CYP2C8: variants seen among roughly 807,000 people sequenced by gnomAD.
The protein encoded by CYP2C8 is cytochrome P450 2C8.
A neutral mutation model predicts 41.3 loss-of-function variants in CYP2C8; 51 were observed. That is an observed-to-expected ratio of 1.24 (90% CI 0.99 to 1.56). CYP2C8 has a LOEUF of 1.56. Ranked by LOEUF, CYP2C8 falls within the 40% of genes most tolerant of loss-of-function variation. The pLI, the probability that CYP2C8 is intolerant of heterozygous loss-of-function variation, is 0.00. For synonymous variants in CYP2C8, 218 were observed against 205.8 expected (o/e 1.06, Z -0.51); for missense variants, 651 against 579.9 (o/e 1.12, Z -1.26).
Position 95,069,302 on chromosome 10 carries a change from G to T in CYP2C8, c.101C>A (p.Thr34Asn). The change falls in exon 1 of 9, where the codon ACT becomes AAT. Residue 34 changes from threonine (T) to asparagine (N), a missense_variant. Transcript: ENST00000371270. ...CATATTTCCAATAATAGGAAGAGGA[G>T]TGGGGCCAGGAGGGAGCTTCCTTCT... ...CRRRKLPPGP[T>N]PLPIIGNMLQ... is the part of the protein sequence containing the mutation. 1 of 1,614,064 alleles carries T rather than the reference G, an allele frequency of 6.2e-7. No individual in the cohort carries two copies. Among genetic ancestry groups the T allele is most frequent in the Non-Finnish European group, 8.5e-7 (1 of 1,179,942 alleles).
chr10:95,067,679 A>C lies in CYP2C8; in HGVS notation c.181T>G (p.Tyr61Asp), dbSNP rs1380440546. Reference protein sequence around the residue: ...CKSFTNFSKVYGPVFTVYFGM... With the variant: ...CKSFTNFSKVDGPVFTVYFGM... ...AAATACACGGTGAACACAGGACCAT[A>C]GACTTTTGAGAACTGGGAAAGGAAA... is the stretch of plus-strand genomic sequence containing the variant. Residue 61 changes from tyrosine (Y) to aspartate (D), a missense_variant, in exon 2 of 9, where the codon TAT becomes GAT. Physicochemically the swap from Tyr to Asp is radical, Grantham distance 160. Transcript: ENST00000371270. 6.8e-6 allele frequency: 11 copies of C among 1,614,174 alleles called. No individual in the cohort carries two copies. In the South Asian group the frequency reaches 1.2e-4, roughly 18 times the overall value.
Position 95,058,460 on chromosome 10 carries a change from T to C in CYP2C8, c.694A>G (p.Lys232Glu), listed in dbSNP as rs2033355291. ...LIDCFPGTHN[K>E]VLKNVALTRS... ...GTAAGAGCAACATTTTTAAGCACTTTGTTGTGAGTTCCTGGGAAACAATCA... is the reference window on the plus strand; with the variant it reads ...GTAAGAGCAACATTTTTAAGCACTTCGTTGTGAGTTCCTGGGAAACAATCA... Residue 232 changes from lysine (K) to glutamate (E), a missense_variant, in exon 5 of 9, where the codon AAA (lysine) becomes GAA (glutamate). Transcript: ENST00000371270. 1.2e-6 allele frequency: 2 copies of C among 1,613,252 alleles called. No individual in the cohort carries two copies. Among genetic ancestry groups the C allele is most frequent in the African/African-American group, 2.7e-5 (2 of 74,894 alleles).
intron 6 of CYP2C8, 44 bp from the exon 7 acceptor site, chr10:95,043,121 G>C: frequency 6.3e-7 from 1 of 1,581,910 alleles, no homozygotes; most frequent in African/African-American, 1.3e-5. Context: ...AAGATATATG[G>C]AACATTTGTC....
chr10:95,062,965 C>A (rs1053573738), intron 4 of CYP2C8, among the ~76,000 whole-genome samples: 3 of 152,194 alleles, frequency 2.0e-5, no homozygotes, highest in Admixed American at 6.5e-5. Context: ...TGAATATTGG[C>A]CACCACTCTC....
At chr10:95,056,480 A>G (rs2033316784) in intron 5 of CYP2C8, among the ~76,000 whole-genome samples, 1 of 152,222 alleles carries the variant, frequency 6.6e-6, no homozygotes. Context: ...TAAGAGCCAA[A>G]AGGTGAAAAT....
At chr10:95,058,263 A>G in intron 5 of CYP2C8, 72 bp downstream of exon 5, 1 of 1,601,190 alleles carries the variant, frequency 6.2e-7, no homozygotes, top group Non-Finnish European at 8.5e-7. Context: ...ATCCTTAGTA[A>G]ATTACAGAAG....
chr10:95,052,366 G>A (rs1012181729), intron 5 of CYP2C8, among the ~76,000 whole-genome samples: 15 of 151,932 alleles, frequency 9.9e-5, no homozygotes, highest in African/African-American at 3.6e-4. Context: ...ATGAATTCTA[G>A]CAAATATTTA....
At chr10:95,054,071 A>T (rs932362859) in intron 5 of CYP2C8, among the ~76,000 whole-genome samples, 2 of 152,262 alleles carry the variant, frequency 1.3e-5, no homozygotes, top group Non-Finnish European at 2.9e-5. Flanking sequence ...GGGTAAAAAA[A>T]CCCAAGTATA....
chr10:95,042,604 A>G (rs1178577791), intron 7 of CYP2C8, among the ~76,000 whole-genome samples: 1 of 152,226 alleles, frequency 6.6e-6, no homozygotes, highest in Non-Finnish European at 1.5e-5. Flanking sequence ...ATCGAACTAC[A>G]CAATGAATGT....
At position 95,037,059 on chromosome 10, in the gene CYP2C8, TG is replaced by T; in HGVS notation, c.*68del. 7.2e-7 allele frequency: 1 copy of T among 1,388,738 alleles called. No individual in the cohort carries two copies. 86.0% of individuals were successfully genotyped at this position (1,388,738 alleles called of 1,614,324 possible). On this transcript the variant is annotated 3_prime_UTR_variant, in exon 9 of 9. Transcript: ENST00000371270. ...TGAGAGGTCAGAGAAGACATAATAG[TG>T]GGAATGTCCTTGATAAAAAAAGAGT...
intron 4 of CYP2C8, among the ~76,000 whole-genome samples, chr10:95,062,623 G>A (rs1157787979): frequency 1.3e-5 from 2 of 152,118 alleles, no homozygotes; most frequent in East Asian, 1.9e-4. Flanking sequence ...TTTAATTGGA[G>A]CGTTTAACCC....
chr10:95,065,181 T>C (rs768313600), intron 3 of CYP2C8, among the ~76,000 whole-genome samples: 2 of 152,232 alleles, frequency 1.3e-5, no homozygotes, highest in Non-Finnish European at 2.9e-5. Flanking sequence ...CGCATGTGGT[T>C]ATTCACATCC....
intron 5 of CYP2C8, 79 bp from the exon 6 acceptor site, chr10:95,046,030 AT>A (rs2033102411): frequency 7.8e-6 from 12 of 1,534,394 alleles, no homozygotes; most frequent in Non-Finnish European, 9.0e-6. Context: ...AAAACATACT[AT>A]TTTTTAAAGT....
chr10:95,062,563 C>G (rs149580649), intron 4 of CYP2C8, among the ~76,000 whole-genome samples: 32,944 of 152,106 alleles, frequency 0.22, 4,031 homozygotes, highest in Non-Finnish European at 0.29. Context: ...TTCCTCAATA[C>G]AGCACACTGA....
rs1461584997 is a variant in CYP2C8 at position 95,037,099 on chromosome 10, A to C, written c.*29T>G. On this transcript the variant is annotated 3_prime_UTR_variant, in exon 9 of 9. Coordinates refer to ENST00000371270, the MANE Select transcript of CYP2C8 (RefSeq NM_000770.3). The stretch of plus-strand genomic sequence containing the variant: ...TAAAAAAAGAGTTGCAGGTGATAGC[A>C]GATCGGCAGCCAGATGGGCTAGCAT... 5.0e-6 allele frequency: 8 copies of C among 1,605,958 alleles called. No individual in the cohort carries two copies. Among genetic ancestry groups the C allele is most frequent in the South Asian group, 1.1e-5 (1 of 90,890 alleles).
At chr10:95,053,765 G>T (rs908484772) in intron 5 of CYP2C8, among the ~76,000 whole-genome samples, 3 of 152,034 alleles carry the variant, frequency 2.0e-5, no homozygotes, top group Non-Finnish European at 4.4e-5. Context: ...GGGCCTGTTG[G>T]GGGGTGGGGA....
chr10:95,042,047 T>TA (rs2033013158), intron 7 of CYP2C8, among the ~76,000 whole-genome samples: 4 of 152,026 alleles, frequency 2.6e-5, no homozygotes, highest in Admixed American at 6.6e-5. Flanking sequence ...GTCAATTATT[T>TA]TAAAAAAATA....
intron 4 of CYP2C8, 33 bp from the exon 5 acceptor site, chr10:95,058,544 G>A (rs1010817673): frequency 3.9e-6 from 6 of 1,546,134 alleles, no homozygotes; most frequent in Non-Finnish European, 5.3e-6. Flanking sequence ...ATATAAACAT[G>A]TCATAAGATA....
intron 1 of CYP2C8, 57 bp downstream of exon 1, chr10:95,069,178 T>G (rs770285628): frequency 6.3e-7 from 1 of 1,592,200 alleles, no homozygotes; most frequent in Non-Finnish European, 8.6e-7. Context: ...TGTCTAAAAA[T>G]AGCAGTCAAA....
Sources: gnomAD v4.1 joint callset for allele counts (sites outside exome capture counted in the v4.1 genomes callset) on GRCh38, gnomAD v4.1.1 for gene constraint, MANE v1.5 for transcripts, NCBI Gene and HGNC (gene_info 2026-07-23, HGNC 2026-07-21) for gene names.